The following ERC1 variants were observed in gnomAD, a reference collection of about 807,000 sequenced individuals.
ERC1 encodes RAB6 interacting protein 2.
Under a neutral mutation model 132.0 loss-of-function variants are expected in ERC1, and 56 were observed. The observed-to-expected ratio is 0.42, with a 90% CI of 0.34 to 0.53. ERC1 has a LOEUF of 0.53. ERC1 is among the 20% of genes least tolerant of loss of function. The pLI is 0.03. For synonymous variants in ERC1, 478 were observed against 476.1 expected (o/e 1.00, Z -0.05); for missense variants, 1,202 against 1,349.9 (o/e 0.89, Z 1.72).
At chr12:1,151,231 G>A (rs1181921734) in intron 8 of ERC1, among the ~76,000 whole-genome samples, 1 of 152,178 alleles carries the variant, frequency 6.6e-6, no homozygotes, top group African/African-American at 2.4e-5. Context: ...AAGCTTGGTG[G>A]ACCCAAAACC....
At chr12:1,388,789 G>C (rs2089670104) in intron 16 of ERC1, among the ~76,000 whole-genome samples, 1 of 152,188 alleles carries the variant, frequency 6.6e-6, no homozygotes, top group African/African-American at 2.4e-5. Flanking sequence ...ATGAGGACAA[G>C]AATATAGGGT....
intron 16 of ERC1, among the ~76,000 whole-genome samples, chr12:1,382,043 C>G (rs1051734046): frequency 2.0e-5 from 3 of 152,112 alleles, no homozygotes; most frequent in Non-Finnish European, 4.4e-5. Context: ...TAAGAATTCC[C>G]GTTCTATAAC....
At chr12:1,482,692 C>T (rs1335445348) in intron 18 of ERC1, among the ~76,000 whole-genome samples, 2 of 152,172 alleles carry the variant, frequency 1.3e-5, no homozygotes, top group Non-Finnish European at 2.9e-5. Context: ...AGTGATCCAC[C>T]TGCCTCGGCC....
chr12:1,457,141 A>G (rs941673011), intron 18 of ERC1, among the ~76,000 whole-genome samples: 1 of 152,188 alleles, frequency 6.6e-6, no homozygotes, highest in Non-Finnish European at 1.5e-5. Flanking sequence ...ACAGGTTTGT[A>G]GCCTAGGAGC....
At chr12:1,367,124 A>C (rs577905702) in intron 15 of ERC1, among the ~76,000 whole-genome samples, 1 of 152,286 alleles carries the variant, frequency 6.6e-6, no homozygotes, top group African/African-American at 2.4e-5. Context: ...AGTAGAAGAG[A>C]TATATTGGTA....
chr12:1,406,449 T>C (rs1591829023), intron 16 of ERC1, among the ~76,000 whole-genome samples: 1 of 152,186 alleles, frequency 6.6e-6, no homozygotes, highest in African/African-American at 2.4e-5. Flanking sequence ...CTATAAGATA[T>C]AGTAATTTTT....
chr12:1,316,302 G>C (rs1050513535), intron 15 of ERC1, among the ~76,000 whole-genome samples: 5 of 152,072 alleles, frequency 3.3e-5, no homozygotes, highest in Non-Finnish European at 7.4e-5. Context: ...CTACTTGTCA[G>C]GTTGAGACTT....
chr12:1,267,656 A>T (rs1189557658), intron 14 of ERC1, among the ~76,000 whole-genome samples: 1 of 152,116 alleles, frequency 6.6e-6, no homozygotes. Flanking sequence ...CAGCTACTTG[A>T]GGGACTGAGG....
chr12:1,474,140 C>T (rs2093924639), intron 18 of ERC1, among the ~76,000 whole-genome samples: 3 of 152,228 alleles, frequency 2.0e-5, no homozygotes, highest in Admixed American at 2.0e-4. Flanking sequence ...ACCATTTCCA[C>T]TTGATCTGTC....
intron 2 of ERC1, among the ~76,000 whole-genome samples, chr12:1,044,949 T>G (rs1025130679): frequency 6.6e-6 from 1 of 152,154 alleles, no homozygotes; most frequent in African/African-American, 2.4e-5. Context: ...AGGAATGTAG[T>G]ATTGCTGGAA....
intron 13 of ERC1, among the ~76,000 whole-genome samples, chr12:1,259,855 C>T (rs1047510510): frequency 1.4e-4 from 21 of 152,146 alleles, no homozygotes; most frequent in Admixed American, 1.3e-3. Flanking sequence ...TTCCTTTCTA[C>T]ACCCATAAAA....
chr12:1,054,007 C>T (rs1972495381), intron 2 of ERC1, among the ~76,000 whole-genome samples: 2 of 151,484 alleles, frequency 1.3e-5, no homozygotes, highest in African/African-American at 4.9e-5. Flanking sequence ...GTAATTAGGA[C>T]CAGTATATCA....
At chr12:1,109,769 T>C (rs35161153) in intron 4 of ERC1, among the ~76,000 whole-genome samples, 4,666 of 152,312 alleles carry the variant, frequency 0.031, 141 homozygotes, top group Non-Finnish European at 0.039. Flanking sequence ...AGGCACTGGC[T>C]GGGCATGGTG....
At chr12:1,156,525 C>G (rs73041049) in intron 8 of ERC1, among the ~76,000 whole-genome samples, 3 of 152,274 alleles carry the variant, frequency 2.0e-5, no homozygotes, top group Non-Finnish European at 4.4e-5. Flanking sequence ...TTGTGAGCCA[C>G]CACGCCTGAC....
intron 1 of ERC1, among the ~76,000 whole-genome samples, chr12:1,004,083 C>T (rs1023736774): frequency 2.6e-5 from 4 of 152,130 alleles, no homozygotes; most frequent in Non-Finnish European, 4.4e-5. Flanking sequence ...CCATATAGGC[C>T]TTCCACCATC....
In ERC1 at chr12:1,444,597, A is replaced by G. The variant is rs1363823556; in HGVS notation, c.3060A>G (p.Arg1020=). 16 of 1,613,536 alleles carry G rather than the reference A, an allele frequency of 9.9e-6. No individual in the cohort carries two copies. In the Admixed American group the frequency reaches 2.5e-4, roughly 25 times the overall value. Residue 1020 remains arginine, a synonymous_variant, in exon 18 of 19, where the codon AGA becomes AGG. Coordinates refer to ENST00000360905, the MANE Select transcript of ERC1 (RefSeq NM_178040.4). ...CCCTCTTAGAACTTGACCAAAATAG[A>G]AGTAAATTAAAGTTGTACATTGGAC... The part of the protein sequence containing the change: ...IQPLLELDQN[R]SKLKLYIGHL...
chr12:1,424,914 T>C (rs2154401475), intron 17 of ERC1, among the ~76,000 whole-genome samples: 1 of 143,176 alleles, frequency 7.0e-6, no homozygotes, highest in East Asian at 2.1e-4. Context: ...AGATAGATAA[T>C]CTGTCTCTAC....
intron 1 of ERC1, 91 bp from the exon 2 acceptor site, chr12:1,027,643 ACATGGTAGAAGGGC>A: frequency 2.1e-6 from 1 of 477,694 alleles, no homozygotes; most frequent in Admixed American, 3.6e-5. Context: ...GTGAGTACAT[ACATGGTAGAAGGGC>A]TAGATCTTCT....
chr12:1,236,901 A>G lies in ERC1; in HGVS notation c.2484A>G (p.Leu828=), dbSNP rs1226786757. The G allele has an allele frequency of 6.2e-7, 1 of 1,613,906 alleles. No individual in the cohort carries two copies. The highest frequency in any genetic ancestry group is 1.1e-5 in the South Asian group (1 of 91,060). Residue 828 remains leucine (L), a synonymous_variant, in exon 13 of 19, where the codon CTA becomes CTG. Coordinates refer to ENST00000360905, the MANE Select transcript of ERC1 (RefSeq NM_178040.4). ...EDNLNDSSQQ[L]QDSLRKKDDR... ...ATCTCAACGACAGCTCTCAGCAGCT[A>G]CAGGTTAGAACACAAGGAGAATCTG... is the stretch of plus-strand genomic sequence containing the variant.
Sources: gnomAD v4.1 joint callset for allele counts (sites outside exome capture counted in the v4.1 genomes callset) on GRCh38, gnomAD v4.1.1 for gene constraint, MANE v1.5 for transcripts, NCBI Gene and HGNC (gene_info 2026-07-23, HGNC 2026-07-21) for gene names.